Variants in PIP5K1C observed in about 807,000 individuals in gnomAD.
The protein encoded by PIP5K1C is phosphatidylinositol-4-phosphate 5-kinase type 1 gamma, also known as phosphatidylinositol 4-phosphate 5-kinase type-1 gamma.
PIP5K1C carries 45 observed loss-of-function variants against 80.1 expected under a neutral mutation model. The observed-to-expected ratio is 0.56, with a 90% CI of 0.44 to 0.72. PIP5K1C has a LOEUF of 0.72. Ranked by LOEUF, PIP5K1C falls within the 30% of genes least tolerant of loss-of-function variation. The pLI is 0.00. For missense variants in PIP5K1C, 753 were observed against 954.6 expected (o/e 0.79, Z 2.78); for synonymous variants, 498 against 420.1 (o/e 1.19, Z -2.27).
chr19:3,691,090 A>C (rs930635496), intron 1 of PIP5K1C, among the ~76,000 whole-genome samples: 12 of 152,164 alleles, frequency 7.9e-5, no homozygotes, highest in Non-Finnish European at 1.6e-4. Context: ...CCTTGTGGAA[A>C]CGCAGTTCCA....
At chr19:3,680,453 C>T (rs966373837) in intron 1 of PIP5K1C, among the ~76,000 whole-genome samples, 1 of 152,088 alleles carries the variant, frequency 6.6e-6, no homozygotes, top group Non-Finnish European at 1.5e-5. Context: ...TAAAGGGATC[C>T]GCCACTATTC....
chr19:3,687,633 G>A (rs1295891159), intron 1 of PIP5K1C, among the ~76,000 whole-genome samples: 1 of 150,958 alleles, frequency 6.6e-6, no homozygotes, highest in East Asian at 1.9e-4. Flanking sequence ...GCCCTCAGAG[G>A]ACACCACAGA....
intron 5 of PIP5K1C, among the ~76,000 whole-genome samples, chr19:3,659,890 C>T (rs764280630): frequency 2.0e-5 from 3 of 152,198 alleles, no homozygotes; most frequent in Non-Finnish European, 2.9e-5. Context: ...AGGGCAGGAT[C>T]GGAGAACCAC....
intron 1 of PIP5K1C, among the ~76,000 whole-genome samples, chr19:3,670,131 T>C (rs1460705317): frequency 7.4e-6 from 1 of 135,950 alleles, no homozygotes; most frequent in Non-Finnish European, 1.6e-5. Flanking sequence ...CAGGAGCCTC[T>C]GCAGGCGGCA....
intron 1 of PIP5K1C, among the ~76,000 whole-genome samples, chr19:3,678,537 G>T (rs1286552189): frequency 1.2e-4 from 13 of 110,062 alleles, no homozygotes; most frequent in Non-Finnish European, 1.3e-4. Flanking sequence ...GATGGATGGA[G>T]GGAGGGATGG....
chr19:3,700,443 G>C lies in PIP5K1C; in HGVS notation c.-53C>G. On this transcript the variant is annotated 5_prime_UTR_variant, in exon 1 of 18. Transcript: ENST00000335312. The stretch of plus-strand genomic sequence containing the variant: ...CCCGAGGGGGACCCGAGCTGCGACC[G>C]CCGCCGCCGAACAACAAGCGCCGCC... The C allele has an allele frequency of 1.0e-6, 1 of 956,926 alleles. No homozygotes were observed. The highest frequency in any genetic ancestry group is 1.3e-6 in the Non-Finnish European group (1 of 794,090). The allele number at this position is 956,926 out of a possible 1,614,324, so 59.3% of individuals were successfully genotyped here. A position where few individuals can be genotyped will look rare whatever the true frequency, so the allele number is the denominator to read the frequency against.
chr19:3,646,171 G>T, intron 10 of PIP5K1C, 113 bp from the exon 11 acceptor site: 1 of 723,078 alleles, frequency 1.4e-6, no homozygotes. Flanking sequence ...GTGTGAAAAG[G>T]CTCGAGATGG....
chr19:3,676,687 G>A (rs887399542), intron 1 of PIP5K1C, among the ~76,000 whole-genome samples: 7 of 152,230 alleles, frequency 4.6e-5, no homozygotes, highest in Non-Finnish European at 8.8e-5. Flanking sequence ...CAAAGTCAAC[G>A]GTGAAAAACG....
chr19:3,671,599 AG>A (rs1265397825), intron 1 of PIP5K1C, among the ~76,000 whole-genome samples: 1 of 152,098 alleles, frequency 6.6e-6, no homozygotes. Context: ...CAGGACGGAG[AG>A]GGGAGGCACT....
At chr19:3,666,937 C>A (rs2035032395) in intron 2 of PIP5K1C, among the ~76,000 whole-genome samples, 1 of 152,246 alleles carries the variant, frequency 6.6e-6, no homozygotes, top group South Asian at 2.1e-4. Context: ...AGCGTCTAAC[C>A]CTCCAGCCAG....
intron 13 of PIP5K1C, 134 bp downstream of exon 13, chr19:3,643,109 A>G (rs1484195391): frequency 6.8e-7 from 1 of 1,481,332 alleles, no homozygotes. Context: ...ACCCACATGC[A>G]GTGTATGTAC....
intron 16 of PIP5K1C, among the ~76,000 whole-genome samples, chr19:3,634,615 C>T (rs952404968): frequency 4.6e-5 from 7 of 152,252 alleles, no homozygotes; most frequent in Non-Finnish European, 8.8e-5. Context: ...TGACGCTGCC[C>T]ACCTGCTGCC....
rs570739335 is a variant in PIP5K1C, at chr19:3,681,064, T to A, written c.95-13711A>T. Reference sequence around the variant, plus strand: ...TGTTTTAGAGACTGGGATGGTAGAATCTCGCCCCTGTTCGCCCCCCGCATC... The same window carrying A: ...TGTTTTAGAGACTGGGATGGTAGAAACTCGCCCCTGTTCGCCCCCCGCATC... On this transcript the variant is annotated intron_variant, in intron 1 of 17. Coordinates refer to ENST00000335312, the MANE Select transcript of PIP5K1C (RefSeq NM_012398.3). Among the ~76,000 whole-genome samples the A allele has an allele frequency of 1.8e-3, 278 of 152,124 alleles. 2 individuals are homozygous for A. Among genetic ancestry groups the A allele is most frequent in the African/African-American group, 6.2e-3 (259 of 41,470 alleles).
chr19:3,688,174 T>C lies in PIP5K1C; in HGVS notation c.94+12123A>G, dbSNP rs537344800. Among the ~76,000 whole-genome samples, 4 of 152,296 alleles carry C rather than the reference T, an allele frequency of 2.6e-5. No homozygotes were observed. The East Asian group carries it at 7.7e-4, about 29-fold the overall frequency. On this transcript the variant is annotated intron_variant, in intron 1 of 17. Coordinates refer to ENST00000335312, the MANE Select transcript of PIP5K1C (RefSeq NM_012398.3). This position sits in a 1 kb window ranked among gnomAD's most constrained non-coding sequence, Gnocchi z 5.3. ...GGTCTGCGCGTGGTCCCCACCTCCT[T>C]GCGCGCTCCGTCTCCAGCACAGCAG...
Position 3,637,964 on chromosome 19 carries a change from T to G in PIP5K1C, c.1920+920A>C. The G allele has an allele frequency of 6.5e-7, 1 of 1,533,168 alleles. No individual in the cohort carries two copies. The highest frequency in any genetic ancestry group is 2.4e-5 in the East Asian group (1 of 40,890). 95.0% of individuals were successfully genotyped at this position (1,533,168 alleles called of 1,614,324 possible). A position where few individuals can be genotyped will look rare whatever the true frequency, so the allele number is the denominator to read the frequency against. On this transcript the variant is annotated intron_variant, in intron 16 of 17. Coordinates refer to ENST00000335312, the MANE Select transcript of PIP5K1C (RefSeq NM_012398.3). This position sits in a 1 kb window ranked among gnomAD's most constrained non-coding sequence, Gnocchi z 7.0. ...CACAGGCACGCGGCCCGTCCCTCCC[T>G]TCTCCAGGGCCAGGTGGGTGCATGG... is the stretch of plus-strand genomic sequence containing the variant.
At position 3,648,890 on chromosome 19, in the gene PIP5K1C, C is replaced by A. The variant is rs1484411114; in HGVS notation, c.1128-182G>T. Reference sequence around the variant, plus strand: ...CCTGACATCCCTCCATCACCCCCAGCCTCAAACCCAGGCCCAGGCACTGCT... The same window carrying A: ...CCTGACATCCCTCCATCACCCCCAGACTCAAACCCAGGCCCAGGCACTGCT... On this transcript the variant is annotated intron_variant, in intron 8 of 17. Coordinates refer to ENST00000335312, the MANE Select transcript of PIP5K1C (RefSeq NM_012398.3). The surrounding 1 kb of genome is among the most constrained non-coding windows in gnomAD (Gnocchi z 4.3). Among the ~76,000 whole-genome samples the A allele has an allele frequency of 6.6e-6, 1 of 152,114 alleles. No homozygotes were observed. Among genetic ancestry groups the A allele is most frequent in the Non-Finnish European group, 1.5e-5 (1 of 67,996 alleles).
rs769334388 is a variant in PIP5K1C at position 3,656,517 on chromosome 19, G to A, written c.509C>T (p.Pro170Leu). 6.8e-6 allele frequency: 11 copies of A among 1,613,892 alleles called. No homozygotes were observed. Among genetic ancestry groups the A allele is most frequent in the South Asian group, 4.4e-5 (4 of 91,088 alleles). ...GTAGAAGAGGGAGCCACTGGCGCCC[G>A]GGTTGGACAGCTCGATCAGCGGCTC... is the stretch of plus-strand genomic sequence containing the variant. ...CNEPLIELSNPGASGSLFYVT... is the reference protein window; with the variant it reads ...CNEPLIELSNLGASGSLFYVT... The change falls in exon 6 of 18, where the codon CCG becomes CTG. Residue 170 changes from proline (P) to leucine (L), a missense_variant. Coordinates refer to ENST00000335312, the MANE Select transcript of PIP5K1C (RefSeq NM_012398.3).
At chr19:3,697,549 A>G (rs2036164520) in intron 1 of PIP5K1C, among the ~76,000 whole-genome samples, 1 of 151,744 alleles carries the variant, frequency 6.6e-6, no homozygotes, top group South Asian at 2.1e-4. Context: ...GACCCGGGAG[A>G]GGCAGAGGAC....
intron 11 of PIP5K1C, among the ~76,000 whole-genome samples, chr19:3,645,165 C>T (rs1402547523): frequency 1.3e-5 from 2 of 152,242 alleles, no homozygotes; most frequent in Non-Finnish European, 2.9e-5. Flanking sequence ...GCGTGCCTGT[C>T]CCTGCCACCT....
Sources: allele counts gnomAD v4.1 joint callset (sites outside exome capture counted in the v4.1 genomes callset), GRCh38; gene constraint gnomAD v4.1.1; non-coding constraint Gnocchi (gnomAD v3.1); transcripts MANE v1.5; gene names NCBI Gene and HGNC (gene_info 2026-07-23, HGNC 2026-07-21).